SGCD: variants seen among roughly 807,000 people sequenced by gnomAD.
The protein encoded by SGCD is delta-sarcoglycan.
SGCD carries 18 observed loss-of-function variants against 36.6 expected under a neutral mutation model. The observed-to-expected ratio is 0.49, with a 90% CI of 0.34 to 0.73. The LOEUF is 0.73. Ranked by LOEUF, SGCD falls within the 30% of genes least tolerant of loss-of-function variation. The pLI is 0.01. For synonymous variants in SGCD, 133 were observed against 130.6 expected, an observed-to-expected ratio of 1.02 and a Z score of -0.12; for missense variants, 387 against 346.7, an observed-to-expected ratio of 1.12 and a Z score of -0.92.
chr5:156,624,610 C>T (rs115930452), intron 6 of SGCD, among the ~76,000 whole-genome samples: 2,441 of 152,004 alleles, frequency 0.016, 67 homozygotes, highest in African/African-American at 0.055. Context: ...TAAAAATAAC[C>T]ACTCTTACTC....
intron 7 of SGCD, among the ~76,000 whole-genome samples, chr5:156,658,735 T>C (rs1763789319): frequency 4.1e-4 from 8 of 19,312 alleles, no homozygotes; most frequent in African/African-American, 1.4e-3. Context: ...CGATGGTCGC[T>C]GTCTCTTCGG....
At chr5:156,212,223 A>C (rs976529506) in intron 3 of SGCD, among the ~76,000 whole-genome samples, 1 of 152,228 alleles carries the variant, frequency 6.6e-6, no homozygotes, top group Non-Finnish European at 1.5e-5. Context: ...GGAGTGATTA[A>C]ATGGATTTTA....
the SGCD span, among the ~76,000 whole-genome samples, chr5:155,809,840 A>C: frequency 3.3e-5 from 5 of 152,232 alleles, no homozygotes; most frequent in African/African-American, 1.2e-4. Context: ...TTTTTAATAC[A>C]AAAAGACTAG....
chr5:155,931,942 G>C (rs1200053765), intron 1 of SGCD, among the ~76,000 whole-genome samples: 1 of 152,126 alleles, frequency 6.6e-6, no homozygotes, highest in Non-Finnish European at 1.5e-5. Context: ...GTTTATAAAT[G>C]GTGCCTTCTC....
intron 1 of SGCD, among the ~76,000 whole-genome samples, chr5:155,957,433 C>G (rs1313021760): frequency 6.6e-6 from 1 of 152,064 alleles, no homozygotes; most frequent in Non-Finnish European, 1.5e-5. Context: ...TTCCTCAAGG[C>G]AGGATTACAG....
At chr5:156,602,038 A>G (rs946427548) in intron 6 of SGCD, among the ~76,000 whole-genome samples, 5 of 152,150 alleles carry the variant, frequency 3.3e-5, no homozygotes, top group Admixed American at 2.6e-4. Flanking sequence ...TTTGGGTAGT[A>G]TGGACATTTT....
chr5:156,442,983 A>T (rs114220195), intron 3 of SGCD, among the ~76,000 whole-genome samples: 3,189 of 152,114 alleles, frequency 0.021, 123 homozygotes, highest in African/African-American at 0.072. Context: ...TAATGCATGT[A>T]GCCTTTTCTA....
chr5:156,071,785 T>A (rs1393021027), intron 1 of SGCD, among the ~76,000 whole-genome samples: 1 of 152,218 alleles, frequency 6.6e-6, no homozygotes, highest in Admixed American at 6.5e-5. Context: ...TGTAGGTCAC[T>A]CAGGACTTGC....
chr5:156,398,256 A>G, intron 3 of SGCD, among the ~76,000 whole-genome samples: 1 of 152,206 alleles, frequency 6.6e-6, no homozygotes, highest in East Asian at 1.9e-4. Context: ...AGTGCAGTTA[A>G]GTTTTACTTG....
rs111283212 is a variant in SGCD, at chr5:156,051,009, A to G, written c.-281-66869A>G. Among the ~76,000 whole-genome samples, 371 of 146,694 alleles carry G rather than the reference A, an allele frequency of 2.5e-3. 23 individuals are homozygous for G. The highest frequency in any genetic ancestry group is 8.9e-3 in the African/African-American group (363 of 40,874). On this transcript the variant is annotated intron_variant, in intron 1 of 9. Coordinates refer to the SGCD transcript ENST00000517913. Reference sequence around the variant, plus strand: ...ATTCCCTTGTCCCAGGGATTGGCACATGAGCATTCTTGGAGAACCATTACT... The same window carrying G: ...ATTCCCTTGTCCCAGGGATTGGCACGTGAGCATTCTTGGAGAACCATTACT...
the SGCD span, among the ~76,000 whole-genome samples, chr5:155,745,324 CTT>C: frequency 6.6e-6 from 1 of 152,130 alleles, no homozygotes; most frequent in Non-Finnish European, 1.5e-5. Flanking sequence ...AATGTTCTAA[CTT>C]GTGTAATATT....
At position 156,379,188 on chromosome 5, in the gene SGCD, A is replaced by G. The variant is rs1770843123; in HGVS notation, c.192+34511A>G. Among the ~76,000 whole-genome samples the G allele has an allele frequency of 5.9e-5, 9 of 152,364 alleles. No homozygotes were observed. The South Asian group carries it at 1.9e-3, about 32-fold the overall frequency. ...TCTAATGTGGAATCTGACATTAAACAAGATAAAAAGGAAAATACCTATATT... is the reference window on the plus strand; with the variant it reads ...TCTAATGTGGAATCTGACATTAAACGAGATAAAAAGGAAAATACCTATATT... On this transcript the variant is annotated intron_variant, in intron 3 of 8. Transcript: ENST00000337851.
At chr5:156,110,591 A>G (rs1445638780) in intron 1 of SGCD, among the ~76,000 whole-genome samples, 1 of 152,032 alleles carries the variant, frequency 6.6e-6, no homozygotes, top group Non-Finnish European at 1.5e-5. Context: ...GAATTTCAGA[A>G]AGCATGAAGC....
At chr5:155,853,982 A>C in the SGCD span, among the ~76,000 whole-genome samples, 2 of 152,316 alleles carry the variant, frequency 1.3e-5, no homozygotes, top group East Asian at 3.9e-4. Context: ...CCAGCATTCA[A>C]AGCCTTCTTC....
intron 3 of SGCD, among the ~76,000 whole-genome samples, chr5:156,485,672 T>A (rs980608308): frequency 1.3e-4 from 20 of 151,644 alleles, no homozygotes; most frequent in Admixed American, 3.9e-4. Context: ...AAAAAAAAAA[T>A]CGCTGTGTGT....
intron 1 of SGCD, among the ~76,000 whole-genome samples, chr5:155,908,549 CA>C (rs1756569833): frequency 6.6e-6 from 1 of 152,142 alleles, no homozygotes; most frequent in Non-Finnish European, 1.5e-5. Context: ...TGCACAAAGT[CA>C]GACAGCAAGT....
chr5:156,405,289 A>G (rs944904344), intron 3 of SGCD, among the ~76,000 whole-genome samples: 5 of 152,248 alleles, frequency 3.3e-5, no homozygotes, highest in South Asian at 2.1e-4. Context: ...CCAGGCGATG[A>G]CAAATAAATG....
chr5:156,124,099 C>T (rs1409722371), intron 3 of SGCD: 1 of 152,166 alleles, frequency 6.6e-6, no homozygotes, highest in Non-Finnish European at 1.5e-5. Flanking sequence ...AGCCTTTCTC[C>T]TCCCCCTTTC....
chr5:156,313,830 G>T (rs543334368), intron 3 of SGCD, among the ~76,000 whole-genome samples: 2 of 151,882 alleles, frequency 1.3e-5, no homozygotes, highest in African/African-American at 4.8e-5. Context: ...TTTAGATTTC[G>T]CTACTAATGT....
Sources: allele counts gnomAD v4.1 joint callset (sites outside exome capture counted in the v4.1 genomes callset), GRCh38; gene constraint gnomAD v4.1.1; transcripts MANE v1.5; gene names NCBI Gene and HGNC (gene_info 2026-07-23, HGNC 2026-07-21).